Variants in SLC1A2 observed in about 807,000 individuals in gnomAD.
SLC1A2 encodes the protein solute carrier family 1 member 2.
A neutral mutation model predicts 48.8 loss-of-function variants in SLC1A2; 15 were observed. The ratio of observed to expected loss-of-function variants is 0.31; its 90% CI spans 0.21 to 0.47. The LOEUF (loss-of-function observed/expected upper bound fraction) is 0.47, where lower values mean the gene tolerates loss of function less well. Among genes scored for constraint, SLC1A2 ranks in the 20% least tolerant of loss-of-function variants. The pLI is 0.99. For missense variants in SLC1A2, 502 were observed against 730.5 expected (o/e 0.69, Z 3.61); for synonymous variants, 279 against 272.6 (o/e 1.02, Z -0.23).
chr11:35,358,671 A>T (rs1853569136), intron 1 of SLC1A2, among the ~76,000 whole-genome samples: 1 of 152,286 alleles, frequency 6.6e-6, no homozygotes, highest in Admixed American at 6.5e-5. Context: ...TGGACTTCTG[A>T]AAAGAGAAAC....
At chr11:35,332,411 G>C (rs190224819) in intron 1 of SLC1A2, among the ~76,000 whole-genome samples, 3,461 of 152,292 alleles carry the variant, frequency 0.023, 118 homozygotes, top group African/African-American at 0.079. Context: ...ATAGTTTCTC[G>C]CCGAGTGACT....
chr11:35,382,331 C>G (rs1484244254), intron 1 of SLC1A2, among the ~76,000 whole-genome samples: 1 of 152,178 alleles, frequency 6.6e-6, no homozygotes, highest in Non-Finnish European at 1.5e-5. Context: ...TCTTCCTGAT[C>G]CTCTTGTGTT....
intron 1 of SLC1A2, among the ~76,000 whole-genome samples, chr11:35,363,370 G>A (rs1038400566): frequency 6.6e-6 from 1 of 152,126 alleles, no homozygotes; most frequent in African/African-American, 2.4e-5. Context: ...CGGATGGCTT[G>A]GAGCTTGGGA....
intron 1 of SLC1A2, among the ~76,000 whole-genome samples, chr11:35,337,404 A>C (rs1565255901): frequency 6.6e-6 from 1 of 152,186 alleles, no homozygotes; most frequent in Non-Finnish European, 1.5e-5. Flanking sequence ...TCTTTGTGTA[A>C]AACAGACATC....
chr11:35,262,149 A>G (rs1950403500), intron 10 of SLC1A2, among the ~76,000 whole-genome samples: 1 of 152,184 alleles, frequency 6.6e-6, no homozygotes, highest in Middle Eastern at 3.2e-3. Context: ...CTTTCAGTGA[A>G]CTGTCAAGAA....
intron 1 of SLC1A2, among the ~76,000 whole-genome samples, chr11:35,366,388 G>C (rs1188130931): frequency 6.6e-6 from 1 of 152,170 alleles, no homozygotes; most frequent in East Asian, 1.9e-4. Context: ...GCTACTCTCT[G>C]TGTGTACACA....
At chr11:35,332,329 C>A (rs557518653) in intron 1 of SLC1A2, among the ~76,000 whole-genome samples, 19 of 152,336 alleles carry the variant, frequency 1.2e-4, no homozygotes, top group Non-Finnish European at 2.1e-4. Flanking sequence ...AGGTGAAAAG[C>A]CTTCATCCCA....
At chr11:35,401,425 C>CT (rs1215791524) in intron 1 of SLC1A2, among the ~76,000 whole-genome samples, 15 of 152,106 alleles carry the variant, frequency 9.9e-5, no homozygotes, top group South Asian at 4.1e-4. Flanking sequence ...TACAAAGAGT[C>CT]TTTTTTGTCA....
chr11:35,396,820 T>C (rs901954438), intron 1 of SLC1A2, among the ~76,000 whole-genome samples: 3 of 152,086 alleles, frequency 2.0e-5, no homozygotes, highest in African/African-American at 7.2e-5. Context: ...GATAAGCAAC[T>C]TCAGCAAAGT....
intron 4 of SLC1A2, 52 bp from the exon 5 acceptor site, chr11:35,306,294 G>C: frequency 9.2e-7 from 1 of 1,082,038 alleles, no homozygotes; most frequent in South Asian, 1.9e-5. Flanking sequence ...CCTATAAGGT[G>C]AAAAAAAAAA....
At chr11:35,359,265 T>C (rs1019412168) in intron 1 of SLC1A2, among the ~76,000 whole-genome samples, 2 of 152,202 alleles carry the variant, frequency 1.3e-5, no homozygotes, top group African/African-American at 4.8e-5. Context: ...AGAAAGAACA[T>C]GAGGCTGAAA....
intron 4 of SLC1A2, among the ~76,000 whole-genome samples, chr11:35,310,887 T>C (rs1015481099): frequency 2.0e-5 from 3 of 152,202 alleles, no homozygotes; most frequent in Admixed American, 6.5e-5. Context: ...AGCAAGAGTA[T>C]ACATTGCTAA....
intron 1 of SLC1A2, among the ~76,000 whole-genome samples, chr11:35,417,933 C>A (rs1466182609): frequency 6.6e-6 from 1 of 152,208 alleles, no homozygotes; most frequent in Non-Finnish European, 1.5e-5. Flanking sequence ...CCAACACCAC[C>A]ACTTGAGCCC....
At position 35,260,427 on chromosome 11, in the gene SLC1A2, C is replaced by T. The variant is rs1452752809; in HGVS notation, c.*467G>A. 6.4e-6 allele frequency: 1 copy of T among 156,550 alleles called. No homozygotes were observed. 9.7% of individuals were successfully genotyped at this position (156,550 alleles called of 1,614,324 possible). On this transcript the variant is annotated 3_prime_UTR_variant, in exon 11 of 11. Transcript: ENST00000278379. Reference sequence around the variant, plus strand: ...TTACTAGACATTTTAAGGGGAGTTACTTCTAGAGGCTTTTAATAGAATCTC... The same window carrying T: ...TTACTAGACATTTTAAGGGGAGTTATTTCTAGAGGCTTTTAATAGAATCTC...
At chr11:35,272,265 C>A (rs1366830679) in intron 9 of SLC1A2, among the ~76,000 whole-genome samples, 1 of 152,086 alleles carries the variant, frequency 6.6e-6, no homozygotes, top group Admixed American at 6.5e-5. Context: ...TCCATCAATA[C>A]AGAAGGGAAG....
rs1950344218 is a variant in SLC1A2, at chr11:35,258,466, C to T, written c.*2428G>A. Reference sequence around the variant, plus strand: ...TGACCACTCCATTGAGAAACATGCCCATGTATATAGATCCCAAAGCTGGCC... The same window carrying T: ...TGACCACTCCATTGAGAAACATGCCTATGTATATAGATCCCAAAGCTGGCC... On this transcript the variant is annotated 3_prime_UTR_variant, in exon 11 of 11. Coordinates refer to ENST00000278379, the MANE Select transcript of SLC1A2 (RefSeq NM_004171.4). 2 of 152,562 alleles carry T rather than the reference C, an allele frequency of 1.3e-5. No individual in the cohort carries two copies. Among genetic ancestry groups the T allele is most frequent in the African/African-American group, 4.8e-5 (2 of 41,422 alleles). 9.5% of individuals were successfully genotyped at this position (152,562 alleles called of 1,614,324 possible).
intron 9 of SLC1A2, among the ~76,000 whole-genome samples, chr11:35,279,797 A>C (rs970338972): frequency 2.0e-5 from 3 of 152,236 alleles, no homozygotes; most frequent in African/African-American, 7.2e-5. Context: ...AGGTTGTTAA[A>C]GAGGAAGATG....
At chr11:35,306,983 G>A (rs1407193462) in intron 4 of SLC1A2, 2 of 152,228 alleles carry the variant, frequency 1.3e-5, no homozygotes, top group Non-Finnish European at 2.9e-5. Context: ...TATGATTGTA[G>A]CTCAGAAACA....
chr11:35,322,989 T>C, intron 1 of SLC1A2: 1 of 563,960 alleles, frequency 1.8e-6, no homozygotes, highest in East Asian at 3.0e-5. Flanking sequence ...CCAACCAAGA[T>C]GTCAGTCTCT....
Sources: allele counts gnomAD v4.1 joint callset (sites outside exome capture counted in the v4.1 genomes callset), GRCh38; gene constraint gnomAD v4.1.1; transcripts MANE v1.5; gene names NCBI Gene and HGNC (gene_info 2026-07-23, HGNC 2026-07-21).